Variants in KAZN observed in about 807,000 individuals in gnomAD.
KAZN encodes the protein kazrin.
A neutral mutation model predicts 87.4 loss-of-function variants in KAZN; 40 were observed. The observed-to-expected ratio is 0.46, with a 90% CI of 0.36 to 0.60. KAZN has a LOEUF of 0.60. Among genes scored for constraint, KAZN ranks in the 20% least tolerant of loss-of-function variants. The probability of loss-of-function intolerance (pLI) is 0.00; values close to 1 mark genes in which losing one functional copy is unlikely to be tolerated. For missense variants in KAZN, 898 were observed against 1,073.9 expected (o/e 0.84, Z 2.29); for synonymous variants, 466 against 458.3 (o/e 1.02, Z -0.22).
At chr1:14,002,969 G>A (rs1483872175) in intron 1 of KAZN, among the ~76,000 whole-genome samples, 1 of 152,170 alleles carries the variant, frequency 6.6e-6, no homozygotes, top group Non-Finnish European at 1.5e-5. Context: ...GCCCATCAAT[G>A]ATAGACTGAA....
chr1:14,935,329 C>T (rs1466819069), intron 1 of KAZN, among the ~76,000 whole-genome samples: 2 of 152,166 alleles, frequency 1.3e-5, no homozygotes, highest in African/African-American at 4.8e-5. Context: ...CAACCTCTGC[C>T]TCCTGGGTTC....
At chr1:14,988,700 G>A (rs1438897961) in intron 2 of KAZN, among the ~76,000 whole-genome samples, 1 of 152,190 alleles carries the variant, frequency 6.6e-6, no homozygotes, top group Non-Finnish European at 1.5e-5. Context: ...TCACTCCACT[G>A]ATGCCCCCCC....
At chr1:14,363,709 A>G (rs146001886) in intron 2 of KAZN, among the ~76,000 whole-genome samples, 17 of 152,326 alleles carry the variant, frequency 1.1e-4, no homozygotes, top group African/African-American at 3.6e-4. Flanking sequence ...TAACATTTTT[A>G]AAGGGTTGTA....
At chr1:14,315,418 A>T (rs1339319568) in intron 2 of KAZN, among the ~76,000 whole-genome samples, 1 of 152,152 alleles carries the variant, frequency 6.6e-6, no homozygotes, top group Non-Finnish European at 1.5e-5. Flanking sequence ...AATATTTAAC[A>T]AAGCATATAT....
chr1:14,588,372 T>A (rs1335183720), intron 2 of KAZN, among the ~76,000 whole-genome samples: 1 of 152,230 alleles, frequency 6.6e-6, no homozygotes, highest in Non-Finnish European at 1.5e-5. Flanking sequence ...AAGGCATACA[T>A]AGATTTGTGA....
At chr1:14,259,426 C>G (rs1217488892) in intron 2 of KAZN, among the ~76,000 whole-genome samples, 1 of 152,120 alleles carries the variant, frequency 6.6e-6, no homozygotes, top group Non-Finnish European at 1.5e-5. Flanking sequence ...GTGATGTACC[C>G]AGGCGCTCCA....
chr1:14,034,514 G>A (rs763330574), intron 1 of KAZN, among the ~76,000 whole-genome samples: 2 of 152,314 alleles, frequency 1.3e-5, no homozygotes, highest in East Asian at 1.9e-4. Flanking sequence ...GCTGGGTCAC[G>A]CACAATTTAG....
At position 14,417,738 on chromosome 1, in the gene KAZN, T is replaced by C. The variant is rs192279888; in HGVS notation, c.250-181245T>C. Among the ~76,000 whole-genome samples, 947 of 152,034 alleles carry C rather than the reference T, an allele frequency of 6.2e-3. 6 individuals carry two copies. The highest frequency in any genetic ancestry group is 9.0e-3 in the Non-Finnish European group (612 of 67,978). On this transcript the variant is annotated intron_variant, in intron 2 of 16. Transcript: ENST00000636203. Reference sequence around the variant, plus strand: ...CGGGCCGGGTGTGGTGGCTCACCCCTGTTATCCCAGGACTTTGGGAGGCCA... The same window carrying C: ...CGGGCCGGGTGTGGTGGCTCACCCCCGTTATCCCAGGACTTTGGGAGGCCA...
At chr1:14,529,775 G>A (rs189463776) in intron 2 of KAZN, among the ~76,000 whole-genome samples, 280 of 152,302 alleles carry the variant, frequency 1.8e-3, no homozygotes, top group Non-Finnish European at 3.5e-3. Context: ...GCTCAGGCAC[G>A]GACCAGGGCA....
chr1:14,890,840 CTTTTTTT>C (rs34718502), intron 1 of KAZN, among the ~76,000 whole-genome samples: 1 of 69,674 alleles, frequency 1.4e-5, no homozygotes, highest in Non-Finnish European at 2.5e-5. Context: ...GGAATCTGGA[CTTTTTTT>C]TTTTTTTTTT....
chr1:14,178,450 A>G (rs1010885855), intron 1 of KAZN, among the ~76,000 whole-genome samples: 9 of 152,092 alleles, frequency 5.9e-5, no homozygotes, highest in Admixed American at 1.3e-4. Flanking sequence ...TTTCTTCTCC[A>G]TTGTCTAATC....
In KAZN at chr1:14,867,446, C is replaced by A. The variant is rs1259513595; in HGVS notation, c.227-93238C>A. Among the ~76,000 whole-genome samples the A allele has an allele frequency of 2.0e-5, 3 of 152,120 alleles. No homozygotes were observed. In the East Asian group the frequency reaches 5.8e-4, roughly 29 times the overall value. On this transcript the variant is annotated intron_variant, in intron 1 of 14. Coordinates refer to ENST00000376030, the MANE Select transcript of KAZN (RefSeq NM_201628.3). ...GGCCATGGTGCTGATGATAGAGTTA[C>A]CGTTGGGTTCAGGGATGGTGCATCC...
intron 1 of KAZN, among the ~76,000 whole-genome samples, chr1:14,889,146 C>T (rs956940353): frequency 2.6e-5 from 4 of 152,212 alleles, no homozygotes; most frequent in Admixed American, 2.6e-4. Context: ...AGCTTCTGCT[C>T]AAAGGTTACA....
intron 2 of KAZN, among the ~76,000 whole-genome samples, chr1:14,528,092 C>A (rs866032649): frequency 1.3e-5 from 2 of 151,852 alleles, no homozygotes; most frequent in African/African-American, 4.8e-5. Flanking sequence ...CTCTATGCAG[C>A]CTCTCCATGT....
rs1553150700 is a variant in KAZN at position 14,883,405 on chromosome 1, A to AAGAAAGAAAGAAAGAAAG, written c.227-77277_227-77260dup. On this transcript the variant is annotated intron_variant, in intron 1 of 14. Transcript: ENST00000376030. ...AAAGAAAGAAAGAAAGAAAGAAAGAAAGAAAGAAAGAAAGAAAGAAAAGCG... is the reference window on the plus strand; with the variant it reads ...AAAGAAAGAAAGAAAGAAAGAAAGAAAGAAAGAAAGAAAGAAAGAGAAAGAAAGAAAGAAAGAAAAGCG... Among the ~76,000 whole-genome samples, 305 of 144,442 alleles carry AAGAAAGAAAGAAAGAAAG rather than the reference A, an allele frequency of 2.1e-3. 11 individuals are homozygous for AAGAAAGAAAGAAAGAAAG. Among genetic ancestry groups the AAGAAAGAAAGAAAGAAAG allele is most frequent in the African/African-American group, 8.0e-3 (289 of 36,334 alleles). The allele number at this position is 144,442 out of a possible 152,430, so 94.8% of individuals were successfully genotyped here.
intron 1 of KAZN, among the ~76,000 whole-genome samples, chr1:14,611,260 C>A (rs752165549): frequency 6.6e-6 from 1 of 152,170 alleles, no homozygotes; most frequent in African/African-American, 2.4e-5. Flanking sequence ...TCCAGAGCAA[C>A]AAGGAACGTT....
intron 1 of KAZN, among the ~76,000 whole-genome samples, chr1:14,766,547 C>A (rs1407025119): frequency 6.7e-6 from 1 of 150,022 alleles, no homozygotes; most frequent in East Asian, 2.0e-4. Context: ...AAACCTATTG[C>A]CTGGTGCTCT....
At chr1:14,229,051 G>A (rs1173480430) in intron 2 of KAZN, among the ~76,000 whole-genome samples, 2 of 152,220 alleles carry the variant, frequency 1.3e-5, no homozygotes, top group African/African-American at 4.8e-5. Context: ...AGTGTTTTAT[G>A]CTTCTGTGTA....
chr1:15,110,697 C>T (rs1045969730), intron 13 of KAZN, among the ~76,000 whole-genome samples: 1 of 152,242 alleles, frequency 6.6e-6, no homozygotes. Context: ...GGAGCCCACA[C>T]GTGCGACCAC....
Sources: gnomAD v4.1 joint callset for allele counts (sites outside exome capture counted in the v4.1 genomes callset) on GRCh38, gnomAD v4.1.1 for gene constraint, MANE v1.5 for transcripts, NCBI Gene and HGNC (gene_info 2026-07-23, HGNC 2026-07-21) for gene names.